Variants in SMG6 observed in about 807,000 individuals in gnomAD.
SMG6 encodes the protein telomerase-binding protein EST1A.
Under a neutral mutation model 142.2 loss-of-function variants are expected in SMG6, and 66 were observed. The ratio of observed to expected loss-of-function variants is 0.46; its 90% confidence interval spans 0.38 to 0.57. The LOEUF (loss-of-function observed/expected upper bound fraction) is 0.57, where lower values mean the gene tolerates loss of function less well. Among genes scored for constraint, SMG6 ranks in the 20% least tolerant of loss-of-function variants. SMG6 has a pLI of 0.00. For missense variants in SMG6, 1,793 were observed against 1,832.0 expected, an observed-to-expected ratio of 0.98 and a Z score of 0.39; for synonymous variants, 779 against 702.4, an observed-to-expected ratio of 1.11 and a Z score of -1.72.
intron 13 of SMG6, among the ~76,000 whole-genome samples, chr17:2,094,179 G>A (rs1394709531): frequency 1.3e-5 from 2 of 152,202 alleles, no homozygotes; most frequent in Admixed American, 1.3e-4. Flanking sequence ...AGTGGGGTAC[G>A]GGCGGTGGCT....
At position 2,303,667 on chromosome 17, in the gene SMG6, G is replaced by C; in HGVS notation, c.54C>G (p.Ile18Met). The C allele has an allele frequency of 6.7e-7, 1 of 1,493,388 alleles. No homozygotes were observed. Among genetic ancestry groups the C allele is most frequent in the Non-Finnish European group, 8.9e-7 (1 of 1,128,058 alleles). The allele number at this position is 1,493,388 out of a possible 1,614,324, so 92.5% of individuals were successfully genotyped here. ...VRISASELRG[I>M]LATLAPQAGS... is the part of the protein sequence containing the mutation. ...CGGCCTGCGGGGCCAGAGTAGCCAG[G>C]ATCCCGCGCAGCTCCGACGCGGAGA... The change falls in exon 1 of 19, where the codon ATC (isoleucine) becomes ATG (methionine). Residue 18 changes from isoleucine (I) to methionine (M), a missense_variant. This residue lies in a region of SMG6 where 1,597 missense variants were observed against 1,584.6 expected (regional missense o/e 1.01). Coordinates refer to ENST00000263073, the MANE Select transcript of SMG6 (RefSeq NM_017575.5).
chr17:2,080,335 T>C (rs1297117264), intron 15 of SMG6, among the ~76,000 whole-genome samples: 4 of 152,010 alleles, frequency 2.6e-5, no homozygotes, highest in African/African-American at 9.7e-5. Context: ...AGAGAATCGC[T>C]GGAACCCGGG....
intron 10 of SMG6, among the ~76,000 whole-genome samples, chr17:2,210,081 C>T (rs1436800248): frequency 2.6e-5 from 4 of 152,112 alleles, no homozygotes; most frequent in Non-Finnish European, 4.4e-5. Context: ...GCCCCTTTGA[C>T]CCAATTTGGG....
intron 12 of SMG6, among the ~76,000 whole-genome samples, chr17:2,183,790 A>G (rs1176202409): frequency 6.9e-6 from 1 of 144,248 alleles, no homozygotes; most frequent in African/African-American, 2.6e-5. Flanking sequence ...ACACACACAC[A>G]CAGCAGAGGC....
chr17:2,277,269 C>T (rs2074680914), intron 8 of SMG6, among the ~76,000 whole-genome samples: 1 of 150,112 alleles, frequency 6.7e-6, no homozygotes, highest in Non-Finnish European at 1.5e-5. Flanking sequence ...CGGGTTCACG[C>T]CATTCTCCTG....
At chr17:2,109,250 CT>C (rs1360608825) in intron 13 of SMG6, among the ~76,000 whole-genome samples, 1 of 152,098 alleles carries the variant, frequency 6.6e-6, no homozygotes, top group Non-Finnish European at 1.5e-5. Flanking sequence ...CAAAAAGCTG[CT>C]GTTAGAATAT....
At chr17:2,088,034 G>C in intron 13 of SMG6, 3 of 985,678 alleles carry the variant, frequency 3.0e-6, no homozygotes, top group Non-Finnish European at 3.6e-6. Context: ...GGAGAGGGGA[G>C]CTAAGGAGTG....
At chr17:2,129,864 A>G (rs565043674) in intron 13 of SMG6, among the ~76,000 whole-genome samples, 1 of 151,320 alleles carries the variant, frequency 6.6e-6, no homozygotes, top group Non-Finnish European at 1.5e-5. Flanking sequence ...CTTTAGAAGC[A>G]TTGCTATTAA....
intron 7 of SMG6, among the ~76,000 whole-genome samples, chr17:2,283,176 C>CA (rs917703910): frequency 6.6e-6 from 1 of 152,076 alleles, no homozygotes; most frequent in Non-Finnish European, 1.5e-5. Flanking sequence ...GTCTCAAAAA[C>CA]AAAAAACACA....
At chr17:2,100,801 C>A (rs951391663) in intron 13 of SMG6, among the ~76,000 whole-genome samples, 3 of 152,048 alleles carry the variant, frequency 2.0e-5, no homozygotes, top group Admixed American at 6.6e-5. Flanking sequence ...CCTGCTTCAG[C>A]TTCCCAAAGT....
rs941695555 is a variant in SMG6, at chr17:2,085,144, A to ACG, written c.3534+579_3534+580dup. The stretch of plus-strand genomic sequence containing the variant: ...TGCGCGTGCGCACACACACACACAG[A>ACG]CGCGCACACACACACACAGACACAC... On this transcript the variant is annotated intron_variant, in intron 14 of 18. Coordinates refer to ENST00000263073, the MANE Select transcript of SMG6 (RefSeq NM_017575.5). The surrounding 1 kb of genome is among the most constrained non-coding windows in gnomAD (Gnocchi z 4.1). Among the ~76,000 whole-genome samples the ACG allele has an allele frequency of 3.9e-5, 6 of 152,016 alleles. No homozygotes were observed. The highest frequency in any genetic ancestry group is 3.8e-4 in the East Asian group (2 of 5,198).
At chr17:2,281,943 C>A (rs1026369566) in intron 8 of SMG6, among the ~76,000 whole-genome samples, 4 of 152,200 alleles carry the variant, frequency 2.6e-5, no homozygotes, top group Non-Finnish European at 5.9e-5. Context: ...GTTCTTTATA[C>A]TTCAATTGAC....
chr17:2,062,330 G>A (rs532040063), intron 18 of SMG6: 1 of 152,348 alleles, frequency 6.6e-6, no homozygotes, highest in East Asian at 1.9e-4. Flanking sequence ...GTACCCCAGG[G>A]AAGACCTGTG....
intron 13 of SMG6, among the ~76,000 whole-genome samples, chr17:2,105,060 G>A (rs1183527179): frequency 6.7e-6 from 1 of 149,006 alleles, no homozygotes; most frequent in Non-Finnish European, 1.5e-5. Flanking sequence ...AGGACTACAG[G>A]TATGCACCAC....
At chr17:2,227,240 A>C (rs1271559307) in intron 10 of SMG6, among the ~76,000 whole-genome samples, 1 of 152,212 alleles carries the variant, frequency 6.6e-6, no homozygotes, top group Non-Finnish European at 1.5e-5. Context: ...ACGTAAGAGA[A>C]ATGAAAACAC....
intron 13 of SMG6, chr17:2,088,010 C>T: frequency 1.0e-6 from 1 of 985,750 alleles, no homozygotes; most frequent in Non-Finnish European, 1.2e-6. Flanking sequence ...GAGGCTGCTG[C>T]CACTGAATGG....
In SMG6 at chr17:2,210,529, T is replaced by C. The variant is rs540838281; in HGVS notation, c.2870-22014A>G. On this transcript the variant is annotated intron_variant, in intron 10 of 18. Coordinates refer to ENST00000263073, the MANE Select transcript of SMG6 (RefSeq NM_017575.5). The stretch of plus-strand genomic sequence containing the variant: ...GAAAAAGATCAGGGCAGTAAAGAAA[T>C]TTTGCGAGGGTGCACAGAGATGACA... Among the ~76,000 whole-genome samples the C allele has an allele frequency of 2.6e-5, 4 of 151,526 alleles. No individual in the cohort carries two copies. In the South Asian group the frequency reaches 8.4e-4, roughly 32 times the overall value.
At chr17:2,278,050 A>C (rs1227324496) in intron 8 of SMG6, among the ~76,000 whole-genome samples, 1 of 151,882 alleles carries the variant, frequency 6.6e-6, no homozygotes, top group Non-Finnish European at 1.5e-5. Flanking sequence ...CCTATCTCTC[A>C]AAAAAAAATT....
At chr17:2,076,021 G>C (rs1422179294) in intron 15 of SMG6, among the ~76,000 whole-genome samples, 4 of 152,228 alleles carry the variant, frequency 2.6e-5, no homozygotes, top group Admixed American at 2.0e-4. Flanking sequence ...CATGCTCACA[G>C]AAGAGCTTAG....
Sources: gnomAD v4.1 joint callset for allele counts (sites outside exome capture counted in the v4.1 genomes callset) on GRCh38, gnomAD v4.1.1 for gene constraint, gnomAD v4.1.1 regional missense constraint, Gnocchi (gnomAD v3.1) non-coding constraint, MANE v1.5 for transcripts, NCBI Gene and HGNC (gene_info 2026-07-23, HGNC 2026-07-21) for gene names.